Variants in FBLN2 observed in about 807,000 individuals in gnomAD.
FBLN2 encodes the protein fibulin 2, also known as fibulin-2.
In FBLN2, 81 loss-of-function variants were observed where a neutral mutation model predicts 123.7. The observed-to-expected ratio is 0.65, with a 90% CI of 0.55 to 0.79. The LOEUF is 0.79. Among genes scored for constraint, FBLN2 ranks in the 30% least tolerant of loss-of-function variants. FBLN2 has a pLI of 0.00. For synonymous variants in FBLN2, 699 were observed against 701.4 expected (o/e 1.00, Z 0.05); for missense variants, 1,603 against 1,681.3 (o/e 0.95, Z 0.81).
chr3:13,571,406 A>C lies in FBLN2; in HGVS notation c.1051A>C (p.Thr351Pro), dbSNP rs1220808130. Residue 351 changes from threonine (T) to proline (P), a missense_variant, in exon 2 of 18, where the codon ACT becomes CCT. Coordinates refer to ENST00000404922, the MANE Select transcript of FBLN2 (RefSeq NM_001004019.2). ...ILDAQATSRS[T>P]GPEGVTHAPS... is the part of the protein sequence containing the mutation. The stretch of plus-strand genomic sequence containing the variant: ...GGATGCCCAAGCCACGTCCCGCAGC[A>C]CTGGGCCGGAGGGCGTGACGCATGC... 7 of 1,613,056 alleles carry C rather than the reference A, an allele frequency of 4.3e-6. No individual in the cohort carries two copies. In the East Asian group the frequency reaches 1.1e-4, roughly 26 times the overall value.
Position 13,637,796 on chromosome 3 carries a change from G to T in FBLN2, c.3573G>T (p.Leu1191=). Residue 1191 remains leucine, a synonymous_variant, in exon 18 of 18, where the codon CTG becomes CTT. Transcript: ENST00000404922. Reference sequence around the variant, plus strand: ...ATGCCTACACGGGTGTGGTCTACCTGCAGCGGGCCGTGCTGGAGCCCCGGG... The same window carrying T: ...ATGCCTACACGGGTGTGGTCTACCTTCAGCGGGCCGTGCTGGAGCCCCGGG... ...RLNAYTGVVY[L]QRAVLEPRDF... is the part of the protein sequence containing the mutation. 6.2e-6 allele frequency: 10 copies of T among 1,613,886 alleles called. No homozygotes were observed. Among genetic ancestry groups the T allele is most frequent in the Non-Finnish European group, 7.6e-6 (9 of 1,179,804 alleles).
intron 2 of FBLN2, among the ~76,000 whole-genome samples, chr3:13,599,896 G>A (rs1441593066): frequency 5.3e-4 from 80 of 150,964 alleles, no homozygotes; most frequent in Admixed American, 5.3e-3. Context: ...GCGGGGGCAA[G>A]AGGAAGGTGG....
Position 13,637,954 on chromosome 3 carries a change from G to A in FBLN2, c.*35G>A. ...ACGGGCCACCTGCGGGTGTGGCGCA[G>A]CCCAGGGCTCACACTGCGTGGGAGG... is the stretch of plus-strand genomic sequence containing the variant. On this transcript the variant is annotated 3_prime_UTR_variant, in exon 18 of 18. Transcript: ENST00000404922. The A allele has an allele frequency of 6.5e-7, 1 of 1,527,530 alleles. No individual in the cohort carries two copies. The highest frequency in any genetic ancestry group is 1.9e-5 in the Admixed American group (1 of 53,078). The allele number at this position is 1,527,530 out of a possible 1,614,324, so 94.6% of individuals were successfully genotyped here.
intron 1 of FBLN2, chr3:13,569,149 G>A (rs1360127957): frequency 8.4e-6 from 6 of 712,324 alleles, no homozygotes; most frequent in Non-Finnish European, 1.0e-5. Context: ...GGAGGGAGGA[G>A]GCATGAGGAC....
intron 1 of FBLN2, among the ~76,000 whole-genome samples, chr3:13,551,704 C>T (rs1703327998): frequency 6.6e-6 from 1 of 152,174 alleles, no homozygotes. Flanking sequence ...GTAAGTGAAA[C>T]TGGGTTCTCT....
At chr3:13,564,053 G>A (rs926155891) in intron 1 of FBLN2, among the ~76,000 whole-genome samples, 4 of 152,204 alleles carry the variant, frequency 2.6e-5, no homozygotes, top group African/African-American at 9.7e-5. Context: ...CAGCTTCAGT[G>A]TCAAGTGTCC....
chr3:13,603,068 G>A (rs1421686242), intron 2 of FBLN2, among the ~76,000 whole-genome samples: 1 of 151,650 alleles, frequency 6.6e-6, no homozygotes, highest in African/African-American at 2.4e-5. Flanking sequence ...GCGCCACCAA[G>A]CCTGGCTAAT....
At chr3:13,600,393 G>A (rs1264961599) in intron 2 of FBLN2, among the ~76,000 whole-genome samples, 1 of 151,976 alleles carries the variant, frequency 6.6e-6, no homozygotes, top group African/African-American at 2.4e-5. Flanking sequence ...GAGAATGGGG[G>A]GAATCCTGGC....
At position 13,610,997 on chromosome 3, in the gene FBLN2, C is replaced by T. The variant is rs371014729; in HGVS notation, c.1548+1355C>T. Among the ~76,000 whole-genome samples the T allele has an allele frequency of 8.5e-5, 13 of 152,116 alleles. No homozygotes were observed. The South Asian group carries it at 1.0e-3, about 12-fold the overall frequency. On this transcript the variant is annotated intron_variant, in intron 4 of 17. Transcript: ENST00000404922. Reference sequence around the variant, plus strand: ...ATCTCGTCTCACTGCAACTCCACCTCCCGGGTTCAAGCAATTCTCCTGCCT... The same window carrying T: ...ATCTCGTCTCACTGCAACTCCACCTTCCGGGTTCAAGCAATTCTCCTGCCT...
rs1229048405 is a variant in FBLN2, at chr3:13,636,525, C to G, written c.3295C>G (p.Leu1099Val). ...CHNIQGSFRCLRFECPPNYVQ... is the reference protein window; with the variant it reads ...CHNIQGSFRCVRFECPPNYVQ... ...CAACATCCAGGGTAGCTTCCGCTGC[C>G]TGCGCTTCGAGTGTCCTCCCAACTA... The change falls in exon 17 of 18, where the codon CTG becomes GTG. Residue 1099 changes from leucine to valine, a missense_variant. Coordinates refer to ENST00000404922, the MANE Select transcript of FBLN2 (RefSeq NM_001004019.2). The G allele has an allele frequency of 6.2e-7, 1 of 1,613,650 alleles. No individual in the cohort carries two copies. The highest frequency in any genetic ancestry group is 1.3e-5 in the African/African-American group (1 of 74,932).
chr3:13,636,344 G>C, intron 16 of FBLN2, 101 bp from the exon 17 acceptor site: 1 of 1,450,620 alleles, frequency 6.9e-7, no homozygotes, highest in Non-Finnish European at 9.3e-7. Flanking sequence ...ATTCTCACAG[G>C]TCCGGCTGCC....
intron 1 of FBLN2, among the ~76,000 whole-genome samples, chr3:13,566,006 C>G (rs1160980291): frequency 6.6e-6 from 1 of 152,216 alleles, no homozygotes; most frequent in Non-Finnish European, 1.5e-5. Flanking sequence ...AGTGGTTTTA[C>G]TTTGTATCTT....
Position 13,570,684 on chromosome 3 carries a change from A to G in FBLN2, c.329A>G (p.Gln110Arg). 1 of 1,587,754 alleles carries G rather than the reference A, an allele frequency of 6.3e-7. No homozygotes were observed. Among genetic ancestry groups the G allele is most frequent in the Non-Finnish European group, 8.6e-7 (1 of 1,168,030 alleles). ...CPPGGGKISC[Q>R]FMLCPELPPN... ...CCAGGCGGCGGCAAGATCAGCTGCC[A>G]GTTCATGCTGTGCCCGGAGCTGCCG... The change falls in exon 2 of 18, where the codon CAG becomes CGG. Residue 110 changes from glutamine to arginine, a missense_variant. Gln to Arg is a conservative substitution (Grantham distance 43). Transcript: ENST00000404922.
At position 13,609,621 on chromosome 3, in the gene FBLN2, C is replaced by G. The variant is rs1243338464; in HGVS notation, c.1527C>G (p.Ser509Arg). The change falls in exon 4 of 18, where the codon AGC becomes AGG. Residue 509 changes from serine to arginine, a missense_variant. Transcript: ENST00000404922. ...CCTGTGGGGCTGAGGACAACGACAG[C>G]TGCGGCATCTCCCTGTACAAGGCAA... ...GETCGAEDND[S>R]CGISLYKQCC... is the part of the protein sequence containing the mutation. 1.6e-5 allele frequency: 22 copies of G among 1,349,994 alleles called. No homozygotes were observed. The highest frequency in any genetic ancestry group is 2.2e-5 in the Non-Finnish European group (22 of 1,021,062). 83.6% of individuals were successfully genotyped at this position (1,349,994 alleles called of 1,614,324 possible).
In FBLN2 at chr3:13,618,258, C is replaced by A; in HGVS notation, c.1912C>A (p.Gln638Lys). 6.2e-7 allele frequency: 1 copy of A among 1,613,918 alleles called. No homozygotes were observed. The highest frequency in any genetic ancestry group is 8.5e-7 in the Non-Finnish European group (1 of 1,179,906). Residue 638 changes from glutamine (Q) to lysine (K), a missense_variant, in exon 6 of 18, where the codon CAG (glutamine) becomes AAG (lysine). By Grantham distance (53) the Gln-to-Lys change is moderately conservative. Transcript: ENST00000404922. ...TGCCTGCTTTCCTGGCTTCTCACTG[C>A]AGGACGATGGCCGCACTTGCCGCCC... ...HCACFPGFSL[Q>K]DDGRTCRPEG... is the part of the protein sequence containing the mutation.
intron 4 of FBLN2, 77 bp downstream of exon 4, chr3:13,609,719 G>C: frequency 6.6e-7 from 1 of 1,517,362 alleles, no homozygotes; most frequent in Non-Finnish European, 8.9e-7. Context: ...GAAGGTCCTC[G>C]TGGCCCAAGA....
intron 16 of FBLN2, among the ~76,000 whole-genome samples, chr3:13,633,466 T>A (rs937848507): frequency 3.5e-4 from 54 of 152,280 alleles, no homozygotes; most frequent in African/African-American, 1.2e-3. Flanking sequence ...AAGAGCCTTC[T>A]GACTCACATG....
chr3:13,627,679 A>G (rs1428086210), intron 10 of FBLN2, among the ~76,000 whole-genome samples, 153 bp from the exon 11 acceptor site: 1 of 152,254 alleles, frequency 6.6e-6, no homozygotes, highest in South Asian at 2.1e-4. Context: ...GACAAAGGCC[A>G]TGCCGGCAAC....
At chr3:13,586,414 A>G (rs1559408964) in intron 2 of FBLN2, among the ~76,000 whole-genome samples, 1 of 149,580 alleles carries the variant, frequency 6.7e-6, no homozygotes, top group Non-Finnish European at 1.5e-5. Context: ...TGAACTCCTG[A>G]CCTCGTGATC....
Sources: gnomAD v4.1 joint callset for allele counts (sites outside exome capture counted in the v4.1 genomes callset) on GRCh38, gnomAD v4.1.1 for gene constraint, MANE v1.5 for transcripts, NCBI Gene and HGNC (gene_info 2026-07-23, HGNC 2026-07-21) for gene names.